ROBO2: variants seen among roughly 807,000 people sequenced by gnomAD.
ROBO2 encodes roundabout homolog 2.
ROBO2 carries 53 observed loss-of-function variants against 160.8 expected under a neutral mutation model. That is an observed-to-expected ratio of 0.33 (90% CI 0.26 to 0.41). The LOEUF (loss-of-function observed/expected upper bound fraction) is 0.41, where lower values mean the gene tolerates loss of function less well. ROBO2 is among the 10% of genes least tolerant of loss of function. ROBO2 has a pLI of 1.00. For missense variants in ROBO2, 1,577 were observed against 1,722.4 expected, an observed-to-expected ratio of 0.92 and a Z score of 1.49; for synonymous variants, 664 against 611.7, an observed-to-expected ratio of 1.09 and a Z score of -1.26.
intron 2 of ROBO2, among the ~76,000 whole-genome samples, chr3:77,410,699 TTCC>T (rs1213707755): frequency 0.012 from 496 of 40,924 alleles, 3 homozygotes; most frequent in Middle Eastern, 0.054. Context: ...CCTCCTCCTC[TTCC>T]TCCTCCTCCT....
At chr3:76,503,939 G>A (rs1007258845) in intron 2 of ROBO2, among the ~76,000 whole-genome samples, 1 of 152,154 alleles carries the variant, frequency 6.6e-6, no homozygotes, top group Non-Finnish European at 1.5e-5. Flanking sequence ...TTTTCTTTCT[G>A]CATTCAAATG....
At position 76,989,780 on chromosome 3, in the gene ROBO2, G is replaced by C. The variant is rs4470563; in HGVS notation, c.110-108234G>C. Reference sequence around the variant, plus strand: ...AATCTGGCAGGATATTTGGGACAAAGCAGTTCAACAAGTTATAATGACAGG... The same window carrying C: ...AATCTGGCAGGATATTTGGGACAAACCAGTTCAACAAGTTATAATGACAGG... On this transcript the variant is annotated intron_variant, in intron 2 of 26. Coordinates refer to the ROBO2 transcript ENST00000487694. Among the ~76,000 whole-genome samples, 916 of 152,226 alleles carry C rather than the reference G, an allele frequency of 6.0e-3. 12 individuals carry two copies. The highest frequency in any genetic ancestry group is 0.021 in the African/African-American group (876 of 41,546).
At chr3:76,749,900 C>G (rs1256561914) in intron 2 of ROBO2, among the ~76,000 whole-genome samples, 1 of 152,080 alleles carries the variant, frequency 6.6e-6, no homozygotes, top group Non-Finnish European at 1.5e-5. Flanking sequence ...CCTTCTGCAA[C>G]TATTCCAATC....
intron 2 of ROBO2, among the ~76,000 whole-genome samples, chr3:77,194,499 T>G (rs1278686672): frequency 3.3e-5 from 5 of 152,230 alleles, no homozygotes; most frequent in Admixed American, 2.6e-4. Context: ...TTAAGATTTA[T>G]TTTAGTGACT....
intron 2 of ROBO2, among the ~76,000 whole-genome samples, chr3:77,414,681 G>A (rs2077069563): frequency 6.6e-6 from 1 of 152,170 alleles, no homozygotes; most frequent in South Asian, 2.1e-4. Flanking sequence ...AATGGGTGAA[G>A]GAGGTAGATA....
At chr3:77,051,710 C>T (rs2065243723) in intron 1 of ROBO2, among the ~76,000 whole-genome samples, 1 of 152,186 alleles carries the variant, frequency 6.6e-6, no homozygotes, top group Admixed American at 6.5e-5. Flanking sequence ...TCTAAGCTTT[C>T]CAAACATGGA....
intron 2 of ROBO2, among the ~76,000 whole-genome samples, chr3:76,437,462 C>T (rs963543757): frequency 1.3e-5 from 2 of 152,142 alleles, no homozygotes; most frequent in African/African-American, 4.8e-5. Context: ...TAATTTTAAA[C>T]ACTGTCCCCA....
intron 2 of ROBO2, among the ~76,000 whole-genome samples, chr3:77,290,509 C>T (rs867864940): frequency 6.1e-4 from 3 of 4,906 alleles, no homozygotes; most frequent in Admixed American, 4.7e-3. Flanking sequence ...GTAAAATTGA[C>T]GGTTAAACGG....
At chr3:76,709,903 C>G (rs887881335) in intron 2 of ROBO2, among the ~76,000 whole-genome samples, 1 of 152,094 alleles carries the variant, frequency 6.6e-6, no homozygotes. Context: ...AGAAGTATAA[C>G]CAGACCACTT....
intron 2 of ROBO2, among the ~76,000 whole-genome samples, chr3:76,218,932 C>T (rs1241890232): frequency 6.6e-6 from 1 of 152,126 alleles, no homozygotes; most frequent in African/African-American, 2.4e-5. Flanking sequence ...GCTACAGTAA[C>T]CAAAGCAGCA....
intron 2 of ROBO2, among the ~76,000 whole-genome samples, chr3:76,027,284 GC>G (rs552884159): frequency 1.7e-4 from 26 of 151,904 alleles, no homozygotes; most frequent in African/African-American, 6.3e-4. Context: ...AATACAAAGA[GC>G]ATATTCTTGT....
intron 2 of ROBO2, among the ~76,000 whole-genome samples, chr3:76,433,057 A>G (rs2076509042): frequency 6.6e-6 from 1 of 152,186 alleles, no homozygotes. Flanking sequence ...GGTTTGCCAA[A>G]GTGCCAATCT....
At chr3:76,555,061 T>C (rs1168584095) in intron 2 of ROBO2, among the ~76,000 whole-genome samples, 1 of 151,944 alleles carries the variant, frequency 6.6e-6, no homozygotes, top group African/African-American at 2.4e-5. Flanking sequence ...TTATAGAAAG[T>C]CTTTACCCCA....
chr3:76,070,476 T>G (rs2068413771), intron 2 of ROBO2, among the ~76,000 whole-genome samples: 1 of 152,180 alleles, frequency 6.6e-6, no homozygotes, highest in Admixed American at 6.5e-5. Context: ...AAAACCTGTC[T>G]TCTGATAAGA....
At position 76,226,628 on chromosome 3, in the gene ROBO2, A is replaced by G. The variant is rs367806346; in HGVS notation, c.109+289026A>G. On this transcript the variant is annotated intron_variant, in intron 2 of 26. Transcript: ENST00000487694. ...TCAAGTTAGATTATCATGAATCTCA[A>G]CCCAGCCTAGACAAAATAATATCCC... 1.3e-4 allele frequency among the ~76,000 whole-genome samples: 20 copies of G among 152,286 alleles called. No individual in the cohort carries two copies. In the East Asian group the frequency reaches 2.9e-3, roughly 22 times the overall value.
intron 2 of ROBO2, among the ~76,000 whole-genome samples, chr3:77,211,996 T>A (rs374699741): frequency 3.0e-4 from 45 of 152,198 alleles, no homozygotes; most frequent in Non-Finnish European, 5.1e-4. Flanking sequence ...TATAGTTTGA[T>A]GTCAGGTAGC....
intron 2 of ROBO2, among the ~76,000 whole-genome samples, chr3:76,765,772 A>C (rs1461871805): frequency 6.6e-6 from 1 of 151,640 alleles, no homozygotes; most frequent in Non-Finnish European, 1.5e-5. Flanking sequence ...CTGACGTCTG[A>C]TTACTAGTGT....
intron 2 of ROBO2, among the ~76,000 whole-genome samples, chr3:77,470,471 ACTGGGTTGAAACC>A (rs1169037147): frequency 6.6e-6 from 1 of 152,212 alleles, no homozygotes; most frequent in Non-Finnish European, 1.5e-5. Context: ...TGTCAGACAC[ACTGGGTTGAAACC>A]CTGTGCTTAC....
At chr3:76,744,447 C>T (rs1041954566) in intron 2 of ROBO2, among the ~76,000 whole-genome samples, 4 of 152,092 alleles carry the variant, frequency 2.6e-5, no homozygotes, top group African/African-American at 9.7e-5. Context: ...ACAGCCTCCA[C>T]CTCCTGGGCC....
Sources: gnomAD v4.1 joint callset for allele counts (sites outside exome capture counted in the v4.1 genomes callset) on GRCh38, gnomAD v4.1.1 for gene constraint, MANE v1.5 for transcripts, NCBI Gene and HGNC (gene_info 2026-07-23, HGNC 2026-07-21) for gene names.